DYNC2H1: variants seen among roughly 807,000 people sequenced by gnomAD.
DYNC2H1 encodes cytoplasmic dynein 2 heavy chain 1.
A neutral mutation model predicts 570.0 loss-of-function variants in DYNC2H1; 410 were observed. The ratio of observed to expected loss-of-function variants is 0.72; its 90% CI spans 0.66 to 0.78. The LOEUF (loss-of-function observed/expected upper bound fraction) is 0.78. Among genes scored for constraint, DYNC2H1 ranks in the 30% least tolerant of loss-of-function variants. The pLI, the probability that DYNC2H1 is intolerant of heterozygous loss-of-function variation, is 0.00. For missense variants in DYNC2H1, 4,865 were observed against 5,046.4 expected, an observed-to-expected ratio of 0.96 and a Z score of 1.09; for synonymous variants, 1,688 against 1,677.6, an observed-to-expected ratio of 1.01 and a Z score of -0.15.
At chr11:103,370,393 A>G (rs1941097339) in intron 83 of DYNC2H1, among the ~76,000 whole-genome samples, 1 of 152,210 alleles carries the variant, frequency 6.6e-6, no homozygotes, top group South Asian at 2.1e-4. Flanking sequence ...GGCTTGGGGA[A>G]GCTCACCAAC....
intron 60 of DYNC2H1, among the ~76,000 whole-genome samples, chr11:103,233,781 C>A (rs1864106301): frequency 6.6e-6 from 1 of 150,586 alleles, no homozygotes. Context: ...TAATGCAGTA[C>A]AGCACGGAGG....
In DYNC2H1 at chr11:103,439,145, G is replaced by A. The variant is rs906520185; in HGVS notation, c.12456+3113G>A. On this transcript the variant is annotated intron_variant, in intron 85 of 88. Transcript: ENST00000375735. The surrounding 1 kb of genome is among the most constrained non-coding windows in gnomAD (Gnocchi z 4.1). The stretch of plus-strand genomic sequence containing the variant: ...AACTGAATAAACAACAGTAAGAGAA[G>A]AGTGATAAAGGAAGTACAGTATTAT... Among the ~76,000 whole-genome samples the A allele has an allele frequency of 6.6e-6, 1 of 151,876 alleles. No homozygotes were observed. The highest frequency in any genetic ancestry group is 2.4e-5 in the African/African-American group (1 of 41,240).
At chr11:103,147,434 T>C (rs964064476) in intron 18 of DYNC2H1, among the ~76,000 whole-genome samples, 1 of 152,158 alleles carries the variant, frequency 6.6e-6, no homozygotes, top group African/African-American at 2.4e-5. Flanking sequence ...AATATTTAAA[T>C]AGGTGTGTTA....
chr11:103,258,612 T>A (rs1165245020), intron 69 of DYNC2H1, among the ~76,000 whole-genome samples: 1 of 152,214 alleles, frequency 6.6e-6, no homozygotes, highest in Admixed American at 6.5e-5. Context: ...CTGCAGCACC[T>A]CTGCAGGAGG....
intron 87 of DYNC2H1, among the ~76,000 whole-genome samples, chr11:103,460,452 A>G (rs1053959129): frequency 7.3e-6 from 1 of 137,272 alleles, no homozygotes; most frequent in Non-Finnish European, 1.5e-5. Context: ...TCCCAAGCTT[A>G]TATAATTGTT....
rs1391732814 is a variant in DYNC2H1 at position 103,186,780 on chromosome 11, C to T, written c.6893+279C>T. On this transcript the variant is annotated intron_variant, in intron 42 of 88. Coordinates refer to ENST00000375735, the MANE Select transcript of DYNC2H1 (RefSeq NM_001377.3). This position sits in a 1 kb window ranked among gnomAD's most constrained non-coding sequence, Gnocchi z 4.5. ...TACAGCAAAAAAAAAAAAAAGAATG[C>T]CTTATATATACTCACACACCATTTG... Among the ~76,000 whole-genome samples, 1 of 145,540 alleles carries T rather than the reference C, an allele frequency of 6.9e-6. No individual in the cohort carries two copies. The highest frequency in any genetic ancestry group is 1.5e-5 in the Non-Finnish European group (1 of 65,700).
intron 55 of DYNC2H1, among the ~76,000 whole-genome samples, chr11:103,218,426 T>A (rs7129109): frequency 9.0e-4 from 137 of 152,304 alleles, no homozygotes; most frequent in African/African-American, 3.1e-3. Flanking sequence ...TGGAAAACTT[T>A]AACATATTTT....
At chr11:103,281,245 A>G (rs1866117344) in intron 71 of DYNC2H1, among the ~76,000 whole-genome samples, 1 of 152,090 alleles carries the variant, frequency 6.6e-6, no homozygotes, top group East Asian at 1.9e-4. Flanking sequence ...ACTGACATGT[A>G]TAGTTTCTGC....
chr11:103,265,953 C>G (rs1185080017), intron 70 of DYNC2H1, among the ~76,000 whole-genome samples: 2 of 152,056 alleles, frequency 1.3e-5, no homozygotes, highest in East Asian at 3.9e-4. Flanking sequence ...CGCTCATCTC[C>G]CATTTCCTGG....
intron 83 of DYNC2H1, among the ~76,000 whole-genome samples, chr11:103,364,326 A>AT (rs34285412): frequency 3.2e-3 from 475 of 148,060 alleles, no homozygotes; most frequent in East Asian, 4.6e-3. Flanking sequence ...CCTTTTGATG[A>AT]TTTTTTTTTT....
At chr11:103,311,228 G>A (rs1183214524) in intron 78 of DYNC2H1, among the ~76,000 whole-genome samples, 4 of 152,010 alleles carry the variant, frequency 2.6e-5, no homozygotes, top group African/African-American at 7.2e-5. Flanking sequence ...AATTCTTTTC[G>A]AGGGGGTTGT....
chr11:103,210,383 C>T (rs1371257815), intron 53 of DYNC2H1, among the ~76,000 whole-genome samples: 1 of 151,858 alleles, frequency 6.6e-6, no homozygotes, highest in Non-Finnish European at 1.5e-5. Context: ...CTATAATATT[C>T]TCATTATTTT....
chr11:103,156,904 G>C, intron 26 of DYNC2H1, 134 bp downstream of exon 26: 2 of 1,126,658 alleles, frequency 1.8e-6, no homozygotes, highest in Middle Eastern at 2.8e-4. Flanking sequence ...TTTCCTAGTG[G>C]ATCCTTTTGA....
Position 103,280,166 on chromosome 11 carries a change from A to T in DYNC2H1, c.10696-182A>T, listed in dbSNP as rs576885101. On this transcript the variant is annotated intron_variant, in intron 70 of 88. Transcript: ENST00000375735. This position sits in a 1 kb window ranked among gnomAD's most constrained non-coding sequence, Gnocchi z 4.7. ...GTGATCACTTACTTACTCTGACCCCACCCCTGACTTGAAGTGTCTCTAAGA... is the reference window on the plus strand; with the variant it reads ...GTGATCACTTACTTACTCTGACCCCTCCCCTGACTTGAAGTGTCTCTAAGA... Among the ~76,000 whole-genome samples the T allele has an allele frequency of 6.6e-6, 1 of 152,138 alleles. No homozygotes were observed. The highest frequency in any genetic ancestry group is 6.5e-5 in the Admixed American group (1 of 15,282).
In DYNC2H1 at chr11:103,461,919, G is replaced by A. The variant is rs1413554928; in HGVS notation, c.12648+5563G>A. 6.7e-6 allele frequency among the ~76,000 whole-genome samples: 1 copy of A among 148,462 alleles called. No individual in the cohort carries two copies. The highest frequency in any genetic ancestry group is 1.5e-5 in the Non-Finnish European group (1 of 67,070). On this transcript the variant is annotated intron_variant, in intron 87 of 88. Transcript: ENST00000375735. The surrounding 1 kb of genome is among the most constrained non-coding windows in gnomAD (Gnocchi z 4.8). ...TTTACCCCTCTATGGTTCTGAATGT[G>A]TTTCTTTAAAAATATTTTTTTTCTT...
At position 103,177,693 on chromosome 11, in the gene DYNC2H1, A is replaced by G. The variant is rs1861680295; in HGVS notation, c.6012A>G (p.Lys2004=). 1 of 1,613,556 alleles carries G rather than the reference A, an allele frequency of 6.2e-7. No homozygotes were observed. Among genetic ancestry groups the G allele is most frequent in the Non-Finnish European group, 8.5e-7 (1 of 1,179,726 alleles). ...TTTGTAAAACTGGCAAAGTAGTGAA[A>G]CAATATACTATGAATCCCAAAGCTA... is the stretch of plus-strand genomic sequence containing the variant. The part of the protein sequence containing the change: ...AALCKTGKVV[K]QYTMNPKAMP... The change falls in exon 38 of 89, where the codon AAA becomes AAG. Residue 2004 remains lysine (K), a synonymous_variant. Transcript: ENST00000375735. This position sits in a 1 kb window ranked among gnomAD's most constrained non-coding sequence, Gnocchi z 4.4.
intron 6 of DYNC2H1, among the ~76,000 whole-genome samples, chr11:103,118,539 T>TA (rs1462685702): frequency 1.3e-5 from 2 of 152,116 alleles, no homozygotes; most frequent in African/African-American, 4.8e-5. Context: ...ATGGAATATT[T>TA]ATAAAGCAGA....
chr11:103,157,688 T>A lies in DYNC2H1; in HGVS notation c.4127+918T>A, dbSNP rs1219526244. The stretch of plus-strand genomic sequence containing the variant: ...GCACATTAACCTTCTGACTTGCTCT[T>A]GTATAATATAAGTTTTTCACACAAC... On this transcript the variant is annotated intron_variant, in intron 26 of 88. Coordinates refer to ENST00000375735, the MANE Select transcript of DYNC2H1 (RefSeq NM_001377.3). The surrounding 1 kb of genome is among the most constrained non-coding windows in gnomAD (Gnocchi z 4.2). Among the ~76,000 whole-genome samples, 1 of 152,238 alleles carries A rather than the reference T, an allele frequency of 6.6e-6. No individual in the cohort carries two copies. Among genetic ancestry groups the A allele is most frequent in the Non-Finnish European group, 1.5e-5 (1 of 68,036 alleles).
intron 82 of DYNC2H1, among the ~76,000 whole-genome samples, chr11:103,330,807 C>G (rs1938745499): frequency 6.6e-6 from 1 of 152,000 alleles, no homozygotes; most frequent in Admixed American, 6.6e-5. Flanking sequence ...CATGTGGCAC[C>G]AGCAGAGTCA....
Sources: gnomAD v4.1 joint callset for allele counts (sites outside exome capture counted in the v4.1 genomes callset) on GRCh38, gnomAD v4.1.1 for gene constraint, Gnocchi (gnomAD v3.1) non-coding constraint, MANE v1.5 for transcripts, NCBI Gene and HGNC (gene_info 2026-07-23, HGNC 2026-07-21) for gene names.